The following IQCM variants were observed in gnomAD, a reference collection of about 807,000 sequenced individuals.
IQCM encodes IQ domain-containing protein M.
IQCM carries 45 observed loss-of-function variants against 57.6 expected under a neutral mutation model. That is an observed-to-expected ratio of 0.78 (90% CI 0.62 to 1.00). IQCM has a LOEUF of 1.00. Among genes scored for constraint, IQCM ranks in the 50% least tolerant of loss-of-function variants. The probability of loss-of-function intolerance (pLI) is 0.00; values close to 1 mark genes in which losing one functional copy is unlikely to be tolerated. For missense variants in IQCM, 468 were observed against 511.6 expected, an observed-to-expected ratio of 0.91 and a Z score of 0.82; for synonymous variants, 148 against 158.9, an observed-to-expected ratio of 0.93 and a Z score of 0.51.
chr4:149,735,122 A>C (rs897268980), intron 4 of IQCM, among the ~76,000 whole-genome samples: 1 of 152,206 alleles, frequency 6.6e-6, no homozygotes, highest in Non-Finnish European at 1.5e-5. Context: ...ATTCTTCAAA[A>C]AAAATTTAAA....
At chr4:149,541,536 A>T (rs1233191289) in intron 12 of IQCM, among the ~76,000 whole-genome samples, 1 of 152,040 alleles carries the variant, frequency 6.6e-6, no homozygotes, top group African/African-American at 2.4e-5. Flanking sequence ...TACACCCACA[A>T]TTTATTATTT....
At chr4:149,614,741 C>CA (rs1277876182) in intron 8 of IQCM, among the ~76,000 whole-genome samples, 1 of 152,038 alleles carries the variant, frequency 6.6e-6, no homozygotes, top group African/African-American at 2.4e-5. Flanking sequence ...GAAAAATCGC[C>CA]AAAAAATCTG....
intron 12 of IQCM, among the ~76,000 whole-genome samples, chr4:149,505,354 A>G (rs1743693156): frequency 6.6e-6 from 1 of 152,194 alleles, no homozygotes; most frequent in South Asian, 2.1e-4. Context: ...TACTTTAAAA[A>G]TGAGAGTTTA....
chr4:149,481,701 G>GTTTTTTGTTTTTTTTTTTTTTTTTT (rs1553975386), intron 12 of IQCM, among the ~76,000 whole-genome samples: 1 of 51,550 alleles, frequency 1.9e-5, no homozygotes, highest in African/African-American at 7.6e-5. Context: ...TTCCAGTTTT[G>GTTTTTTGTTTTTTTTTTTTTTTTTT]TTTTTTTTTT....
chr4:149,529,794 C>T (rs975023277), intron 12 of IQCM, among the ~76,000 whole-genome samples: 5 of 152,186 alleles, frequency 3.3e-5, no homozygotes, highest in African/African-American at 1.2e-4. Context: ...CATGCTTCCT[C>T]TTTTGGGCCC....
At chr4:149,779,729 T>C (rs1479340972) in intron 2 of IQCM, among the ~76,000 whole-genome samples, 1 of 152,174 alleles carries the variant, frequency 6.6e-6, no homozygotes, top group Admixed American at 6.5e-5. Context: ...TAAAAGGTTC[T>C]GGTACAGAGT....
At chr4:149,742,113 A>C (rs971910098) in intron 3 of IQCM, among the ~76,000 whole-genome samples, 31 of 152,230 alleles carry the variant, frequency 2.0e-4, no homozygotes, top group African/African-American at 6.7e-4. Context: ...AAATATTACC[A>C]CTTCAACATT....
chr4:149,717,261 C>A (rs147598522), intron 5 of IQCM, among the ~76,000 whole-genome samples: 1 of 152,230 alleles, frequency 6.6e-6, no homozygotes, highest in East Asian at 1.9e-4. Context: ...GGACTAAGCC[C>A]TCAACCTATG....
intron 7 of IQCM, among the ~76,000 whole-genome samples, chr4:149,622,124 T>A (rs1756392962): frequency 6.6e-6 from 1 of 152,140 alleles, no homozygotes; most frequent in Non-Finnish European, 1.5e-5. Context: ...ATTTGAGTGG[T>A]CTATGGGGAG....
At chr4:149,659,520 C>A (rs1759972802) in intron 7 of IQCM, among the ~76,000 whole-genome samples, 1 of 152,104 alleles carries the variant, frequency 6.6e-6, no homozygotes, top group Non-Finnish European at 1.5e-5. Flanking sequence ...CCCGCATCGC[C>A]AAGTCAATCC....
chr4:149,739,821 C>A (rs1002123264), intron 3 of IQCM, among the ~76,000 whole-genome samples: 1 of 152,062 alleles, frequency 6.6e-6, no homozygotes, highest in African/African-American at 2.4e-5. Flanking sequence ...CATTTTCACA[C>A]ATTTATCTTT....
rs1344817320 is a variant in IQCM at position 149,682,180 on chromosome 4, G to T, written c.503C>A (p.Pro168His). 3 of 1,224,404 alleles carry T rather than the reference G, an allele frequency of 2.5e-6. 1 individual carries two copies. The highest frequency in any genetic ancestry group is 3.1e-6 in the Non-Finnish European group (3 of 981,610). 75.8% of individuals were successfully genotyped at this position (1,224,404 alleles called of 1,614,324 possible). A position where few individuals can be genotyped will look rare whatever the true frequency, so the allele number is the denominator to read the frequency against. ...TTGTAAGTAAAGATGGACAGGAAAG[G>T]GATAGAGTAATTCCAACATTCTGTT... ...SRNRMLELLYPFPVHLYLQPG... is the reference protein window; with the variant it reads ...SRNRMLELLYHFPVHLYLQPG... The change falls in exon 7 of 14, where the codon CCC becomes CAC. Residue 168 changes from proline (P) to histidine (H), a missense_variant. Transcript: ENST00000636793.
chr4:149,356,501 A>G (rs1728994242), intron 13 of IQCM, among the ~76,000 whole-genome samples: 1 of 152,140 alleles, frequency 6.6e-6, no homozygotes, highest in Non-Finnish European at 1.5e-5. Flanking sequence ...TTAAATAGGG[A>G]ATCCTTTCCC....
intron 13 of IQCM, among the ~76,000 whole-genome samples, chr4:149,387,758 G>A (rs1044060534): frequency 4.0e-5 from 6 of 151,842 alleles, no homozygotes; most frequent in Non-Finnish European, 4.4e-5. Flanking sequence ...ATTCGAAATT[G>A]TGCAATCTAT....
intron 5 of IQCM, among the ~76,000 whole-genome samples, chr4:149,691,381 C>T (rs1218402380): frequency 6.6e-6 from 1 of 152,072 alleles, no homozygotes; most frequent in Non-Finnish European, 1.5e-5. Flanking sequence ...AGAGTATCTA[C>T]TTAGTAAAAA....
chr4:149,476,532 C>T (rs1280839316), intron 12 of IQCM, among the ~76,000 whole-genome samples: 1 of 152,056 alleles, frequency 6.6e-6, no homozygotes, highest in Non-Finnish European at 1.5e-5. Flanking sequence ...TGTGAGTCTA[C>T]TTCAAAGAAG....
chr4:149,747,616 A>C (rs746677963), intron 2 of IQCM, among the ~76,000 whole-genome samples: 20 of 152,256 alleles, frequency 1.3e-4, no homozygotes, highest in Non-Finnish European at 2.6e-4. Flanking sequence ...ACTACAGTAG[A>C]TGATAGGAGA....
chr4:149,575,722 A>G (rs1751570170), intron 9 of IQCM, among the ~76,000 whole-genome samples: 1 of 151,856 alleles, frequency 6.6e-6, no homozygotes, highest in African/African-American at 2.4e-5. Flanking sequence ...TCTCTAAGAC[A>G]ATTGGAATTT....
At chr4:149,584,133 A>G (rs1579581615) in intron 9 of IQCM, among the ~76,000 whole-genome samples, 1 of 151,554 alleles carries the variant, frequency 6.6e-6, no homozygotes, top group East Asian at 1.9e-4. Context: ...TTTATTTAAA[A>G]AACAGAAAAA....
Sources: allele counts gnomAD v4.1 joint callset (sites outside exome capture counted in the v4.1 genomes callset), GRCh38; gene constraint gnomAD v4.1.1; transcripts MANE v1.5; gene names NCBI Gene and HGNC (gene_info 2026-07-23, HGNC 2026-07-21).